The following IGSF21 variants were observed in gnomAD, a reference collection of about 807,000 sequenced individuals.
IGSF21 encodes the protein immunoglobin superfamily member 21, also known as immunoglobulin superfamily member 21.
IGSF21 carries 28 observed loss-of-function variants against 46.8 expected under a neutral mutation model. The observed-to-expected ratio is 0.60, with a 90% CI of 0.44 to 0.82. The LOEUF (loss-of-function observed/expected upper bound fraction) is 0.82, where lower values mean the gene tolerates loss of function less well. Ranked by LOEUF, IGSF21 falls within the 40% of genes least tolerant of loss-of-function variation. IGSF21 has a pLI of 0.00. For missense variants in IGSF21, 624 were observed against 665.5 expected (o/e 0.94, Z 0.69); for synonymous variants, 284 against 273.6 (o/e 1.04, Z -0.38).
intron 1 of IGSF21, among the ~76,000 whole-genome samples, chr1:18,222,111 T>C (rs1048485608): frequency 6.6e-5 from 10 of 152,132 alleles, no homozygotes; most frequent in Non-Finnish European, 1.2e-4. Flanking sequence ...CCCCCACCCA[T>C]GCCTGCTCAG....
chr1:18,194,647 C>T (rs900032942), intron 1 of IGSF21, among the ~76,000 whole-genome samples: 2 of 152,182 alleles, frequency 1.3e-5, no homozygotes, highest in African/African-American at 4.8e-5. Context: ...CTTTAGGGCT[C>T]ACCCTCATCC....
At chr1:18,271,992 G>T (rs964765676) in intron 2 of IGSF21, among the ~76,000 whole-genome samples, 1 of 151,602 alleles carries the variant, frequency 6.6e-6, no homozygotes, top group Non-Finnish European at 1.5e-5. Context: ...TCATGCTGCC[G>T]ATAAAGACAT....
intron 9 of IGSF21, 134 bp from the exon 10 acceptor site, chr1:18,378,121 TG>T: frequency 1.5e-6 from 1 of 661,210 alleles, no homozygotes. Flanking sequence ...GGTGGCCAGG[TG>T]GCAGAGCTGG....
intron 1 of IGSF21, among the ~76,000 whole-genome samples, chr1:18,214,642 C>T (rs780447132): frequency 6.6e-6 from 1 of 152,116 alleles, no homozygotes; most frequent in Non-Finnish European, 1.5e-5. Flanking sequence ...AACTTACAGT[C>T]ATGGAGGAAG....
chr1:18,182,536 T>C (rs1485760311), intron 1 of IGSF21, among the ~76,000 whole-genome samples: 2 of 152,208 alleles, frequency 1.3e-5, no homozygotes, highest in African/African-American at 4.8e-5. Context: ...CTGTGGCATA[T>C]GTCACAACTC....
Position 18,201,758 on chromosome 1 carries a change from G to A in IGSF21, c.71-26140G>A, listed in dbSNP as rs201409848. Among the ~76,000 whole-genome samples, 4 of 152,260 alleles carry A rather than the reference G, an allele frequency of 2.6e-5. No homozygotes were observed. The East Asian group carries it at 7.7e-4, about 29-fold the overall frequency. On this transcript the variant is annotated intron_variant, in intron 1 of 9. Transcript: ENST00000251296. The stretch of plus-strand genomic sequence containing the variant: ...TACTGGCATCCCTCTCCCATCCCAT[G>A]CCGAAGATTTTGACCTTTATAGCCA...
At chr1:18,256,608 A>G (rs367705318) in intron 2 of IGSF21, among the ~76,000 whole-genome samples, 6 of 152,002 alleles carry the variant, frequency 3.9e-5, no homozygotes, top group East Asian at 3.9e-4. Context: ...GGGGGAAGGA[A>G]AGGCCTTGGT....
Position 18,299,905 on chromosome 1 carries a change from G to C in IGSF21, c.305+7918G>C, listed in dbSNP as rs1005384317. 5.3e-5 allele frequency among the ~76,000 whole-genome samples: 8 copies of C among 152,212 alleles called. No homozygotes were observed. In the East Asian group the frequency reaches 1.4e-3, roughly 26 times the overall value. On this transcript the variant is annotated intron_variant, in intron 3 of 9. Transcript: ENST00000251296. ...TTGCAGGTCTCCTCCCAGCCACTAG[G>C]GGGATGCTCAGCAGCCTTCAGCAGC...
chr1:18,237,330 T>C (rs2084682218), intron 2 of IGSF21, among the ~76,000 whole-genome samples: 1 of 152,130 alleles, frequency 6.6e-6, no homozygotes, highest in Non-Finnish European at 1.5e-5. Flanking sequence ...TCTGAAGGTA[T>C]AAAGAAGGAC....
intron 4 of IGSF21, among the ~76,000 whole-genome samples, chr1:18,356,316 A>G (rs994016860): frequency 3.9e-5 from 6 of 152,252 alleles, no homozygotes; most frequent in East Asian, 1.9e-4. Flanking sequence ...TTGCACTGCC[A>G]CAGGCATTTC....
At chr1:18,336,869 A>C (rs2085773025) in intron 4 of IGSF21, among the ~76,000 whole-genome samples, 1 of 152,232 alleles carries the variant, frequency 6.6e-6, no homozygotes, top group African/African-American at 2.4e-5. Context: ...GTGGAAGGTG[A>C]AAGACACATC....
intron 3 of IGSF21, among the ~76,000 whole-genome samples, chr1:18,309,676 C>T (rs2085462971): frequency 2.0e-5 from 3 of 152,190 alleles, no homozygotes; most frequent in Admixed American, 6.5e-5. Context: ...CGCCTCTAGC[C>T]GCTGCTGAGG....
chr1:18,358,607 C>T (rs1319094414), intron 4 of IGSF21, among the ~76,000 whole-genome samples: 2 of 152,332 alleles, frequency 1.3e-5, no homozygotes, highest in African/African-American at 4.8e-5. Flanking sequence ...TTCTCCCAGT[C>T]CTTAGCAAGG....
intron 1 of IGSF21, chr1:18,113,286 C>CT (rs1171989543): frequency 2.6e-5 from 4 of 152,222 alleles, no homozygotes; most frequent in African/African-American, 9.6e-5. Context: ...TGGAACCCAC[C>CT]TTTATGCTAC....
chr1:18,179,053 A>AATAGATGG (rs1161518213), intron 1 of IGSF21: 1 of 152,324 alleles, frequency 6.6e-6, no homozygotes, highest in African/African-American at 2.4e-5. Context: ...GGGACTCACC[A>AATAGATGG]ATAGATGGAG....
intron 4 of IGSF21, among the ~76,000 whole-genome samples, chr1:18,359,361 A>AG (rs1367322459): frequency 5.1e-5 from 4 of 78,532 alleles, no homozygotes; most frequent in East Asian, 3.0e-4. Flanking sequence ...AAAGAAAGAA[A>AG]GAAAGAAAGA....
chr1:18,208,649 G>A (rs1414423466), intron 1 of IGSF21, among the ~76,000 whole-genome samples: 3 of 146,520 alleles, frequency 2.0e-5, no homozygotes, highest in African/African-American at 5.1e-5. Context: ...CGCCCGCCTC[G>A]GCCTCCCAAA....
chr1:18,355,829 CTTTTTTTTT>C (rs61589417), intron 4 of IGSF21, among the ~76,000 whole-genome samples: 4 of 88,964 alleles, frequency 4.5e-5, no homozygotes, highest in African/African-American at 1.3e-4. Context: ...TGTCTAGACT[CTTTTTTTTT>C]TTTTTTTTTT....
chr1:18,366,666 C>G (rs918114514), intron 6 of IGSF21, among the ~76,000 whole-genome samples: 1 of 152,128 alleles, frequency 6.6e-6, no homozygotes, highest in African/African-American at 2.4e-5. Flanking sequence ...GGATATCACT[C>G]CGGCTTACAC....
Sources: allele counts gnomAD v4.1 joint callset (sites outside exome capture counted in the v4.1 genomes callset), GRCh38; gene constraint gnomAD v4.1.1; transcripts MANE v1.5; gene names NCBI Gene and HGNC (gene_info 2026-07-23, HGNC 2026-07-21).